PCDH15: variants seen among roughly 807,000 people sequenced by gnomAD.
PCDH15 encodes the protein protocadherin related 15.
A neutral mutation model predicts 178.5 loss-of-function variants in PCDH15; 129 were observed. That is an observed-to-expected ratio of 0.72 (90% CI 0.63 to 0.84). The LOEUF is 0.84. Among genes scored for constraint, PCDH15 ranks in the 40% least tolerant of loss-of-function variants. The pLI, the probability that PCDH15 is intolerant of heterozygous loss-of-function variation, is 0.00. For synonymous variants in PCDH15, 800 were observed against 732.0 expected, an observed-to-expected ratio of 1.09 and a Z score of -1.50; for missense variants, 2,230 against 2,099.9, an observed-to-expected ratio of 1.06 and a Z score of -1.21.
intron 2 of PCDH15, among the ~76,000 whole-genome samples, chr10:54,540,382 T>G (rs537404766): frequency 3.1e-4 from 47 of 152,150 alleles, no homozygotes; most frequent in Non-Finnish European, 5.6e-4. Flanking sequence ...TATCAACACC[T>G]GTGTTCACAC....
intron 10 of PCDH15, among the ~76,000 whole-genome samples, chr10:54,207,911 A>C (rs550472556): frequency 6.6e-6 from 1 of 152,218 alleles, no homozygotes; most frequent in African/African-American, 2.4e-5. Flanking sequence ...CTTCATCATT[A>C]ATTAGAAGCA....
Position 54,731,541 on chromosome 10 carries a change from GAT to G in PCDH15, c.-28-67253_-28-67252del, listed in dbSNP as rs1227921777. Among the ~76,000 whole-genome samples the G allele has an allele frequency of 2.5e-4, 17 of 68,340 alleles. 1 individual carries two copies. Among genetic ancestry groups the G allele is most frequent in the African/African-American group, 7.3e-4 (12 of 16,410 alleles). 44.8% of individuals were successfully genotyped at this position (68,340 alleles called of 152,430 possible). On this transcript the variant is annotated intron_variant, in intron 1 of 37. Transcript: ENST00000644397. ...CCATCAATGAATAAAGAAAATGTGAGATAGATATATATATATATATATACACA... is the reference window on the plus strand; with the variant it reads ...CCATCAATGAATAAAGAAAATGTGAGAGATATATATATATATATATACACA...
chr10:54,156,937 T>C (rs999183626), intron 13 of PCDH15, among the ~76,000 whole-genome samples: 4 of 152,180 alleles, frequency 2.6e-5, no homozygotes, highest in African/African-American at 9.6e-5. Context: ...AAATGATCTC[T>C]TTTGACTTCA....
At chr10:54,806,355 G>A (rs117317659) in intron 3 of PCDH15, among the ~76,000 whole-genome samples, 86 of 152,202 alleles carry the variant, frequency 5.7e-4, no homozygotes, top group Non-Finnish European at 9.4e-4. Context: ...CCAGATCAGG[G>A]TCTCACAGGC....
chr10:54,143,600 T>C (rs1323752940), intron 14 of PCDH15, among the ~76,000 whole-genome samples: 1 of 152,196 alleles, frequency 6.6e-6, no homozygotes, highest in African/African-American at 2.4e-5. Flanking sequence ...AGCAGAGCAA[T>C]AATTGATTGC....
At chr10:55,218,038 C>T (rs1564902007) in intron 1 of PCDH15, among the ~76,000 whole-genome samples, 1 of 151,960 alleles carries the variant, frequency 6.6e-6, no homozygotes, top group Non-Finnish European at 1.5e-5. Flanking sequence ...AAGAGTTCTC[C>T]TGACACTTTC....
chr10:54,373,337 T>C (rs1947958386), intron 4 of PCDH15, among the ~76,000 whole-genome samples: 1 of 151,902 alleles, frequency 6.6e-6, no homozygotes, highest in Non-Finnish European at 1.5e-5. Context: ...AACATAATCA[T>C]TCCTATTTCA....
chr10:55,064,764 T>C (rs1841521136), intron 2 of PCDH15, among the ~76,000 whole-genome samples: 1 of 152,102 alleles, frequency 6.6e-6, no homozygotes, highest in Admixed American at 6.6e-5. Context: ...AGCTTTGTGA[T>C]AATTTTGATA....
At chr10:55,198,527 C>T (rs1339865734) in intron 1 of PCDH15, among the ~76,000 whole-genome samples, 1 of 152,084 alleles carries the variant, frequency 6.6e-6, no homozygotes, top group Admixed American at 6.5e-5. Flanking sequence ...CGCCCTGTCG[C>T]CCAAGCTGGA....
At chr10:54,598,238 A>G (rs1271252238) in intron 2 of PCDH15, among the ~76,000 whole-genome samples, 3 of 152,122 alleles carry the variant, frequency 2.0e-5, no homozygotes, top group African/African-American at 4.8e-5. Flanking sequence ...TTAACAAAAT[A>G]CTACCCAGCT....
rs1413683174 is a variant in PCDH15, at chr10:54,296,167, A to T, written c.876+21104T>A. Among the ~76,000 whole-genome samples, 3 of 148,718 alleles carry T rather than the reference A, an allele frequency of 2.0e-5. No individual in the cohort carries two copies. The South Asian group carries it at 6.3e-4, about 31-fold the overall frequency. ...CTCAAAAAAAAAAAAAAAAAAAAAA[A>T]AAGTGGTTGGCACGGCCACTGGAAT... On this transcript the variant is annotated intron_variant, in intron 8 of 37. Transcript: ENST00000644397.
At chr10:54,212,416 T>A (rs1401644771) in intron 10 of PCDH15, among the ~76,000 whole-genome samples, 2 of 152,120 alleles carry the variant, frequency 1.3e-5, no homozygotes, top group Non-Finnish European at 2.9e-5. Flanking sequence ...TATACCTCAT[T>A]TCCCTGTTAA....
At chr10:54,500,022 C>G (rs1055539643) in intron 3 of PCDH15, among the ~76,000 whole-genome samples, 2 of 152,106 alleles carry the variant, frequency 1.3e-5, no homozygotes, top group Non-Finnish European at 2.9e-5. Context: ...GTATTCACTA[C>G]AGCAAAGAAA....
intron 1 of PCDH15, among the ~76,000 whole-genome samples, chr10:54,791,726 G>C (rs541006892): frequency 2.0e-5 from 3 of 151,818 alleles, no homozygotes; most frequent in Non-Finnish European, 4.4e-5. Context: ...ATACATTATG[G>C]TGATTCTATC....
At chr10:55,304,625 C>G (rs1564988368) in intron 1 of PCDH15, among the ~76,000 whole-genome samples, 2 of 152,148 alleles carry the variant, frequency 1.3e-5, no homozygotes, top group Non-Finnish European at 1.5e-5. Context: ...GCATTGTTTT[C>G]AAATCCACAT....
intron 1 of PCDH15, among the ~76,000 whole-genome samples, chr10:54,787,390 T>C (rs1485781160): frequency 6.6e-6 from 1 of 152,000 alleles, no homozygotes; most frequent in Admixed American, 6.6e-5. Context: ...AGTTTTGAAC[T>C]TGACTTTTTA....
intron 6 of PCDH15, among the ~76,000 whole-genome samples, chr10:54,333,486 A>G (rs1334711405): frequency 6.6e-6 from 1 of 152,010 alleles, no homozygotes; most frequent in African/African-American, 2.4e-5. Context: ...TCCTCTAGTA[A>G]AAAGAATACT....
chr10:53,925,814 A>G (rs2084489864), intron 25 of PCDH15, among the ~76,000 whole-genome samples: 1 of 152,118 alleles, frequency 6.6e-6, no homozygotes, highest in African/African-American at 2.4e-5. Flanking sequence ...AGGTCAAGAG[A>G]TACTTTTTCC....
At chr10:55,258,662 A>C (rs1303278475) in intron 1 of PCDH15, among the ~76,000 whole-genome samples, 1 of 152,040 alleles carries the variant, frequency 6.6e-6, no homozygotes, top group African/African-American at 2.4e-5. Flanking sequence ...TATAAATGCT[A>C]AGTATAAATA....
Sources: gnomAD v4.1 joint callset for allele counts (sites outside exome capture counted in the v4.1 genomes callset) on GRCh38, gnomAD v4.1.1 for gene constraint, MANE v1.5 for transcripts, NCBI Gene and HGNC (gene_info 2026-07-23, HGNC 2026-07-21) for gene names.